GPC3: variants seen among roughly 807,000 people sequenced by gnomAD.
The protein encoded by GPC3 is glypican-3.
In GPC3, 3 loss-of-function variants were observed where a neutral mutation model predicts 34.4. The observed-to-expected ratio is 0.09, with a 90% CI of 0.04 to 0.23. The LOEUF (loss-of-function observed/expected upper bound fraction) is 0.23. GPC3 is among the 10% of genes least tolerant of loss of function. The probability of loss-of-function intolerance (pLI) is 1.00; values close to 1 mark genes in which losing one functional copy is unlikely to be tolerated. For synonymous variants in GPC3, 177 were observed against 174.0 expected, an observed-to-expected ratio of 1.02 and a Z score of -0.13; for missense variants, 351 against 445.6, an observed-to-expected ratio of 0.79 and a Z score of 1.91.
At chrX:133,603,367 C>T (rs985971383) in intron 6 of GPC3, among the ~76,000 whole-genome samples, 4 of 109,998 alleles carry the variant, frequency 3.6e-5, no homozygotes, top group Non-Finnish European at 7.6e-5. Flanking sequence ...ATCTGTCCCC[C>T]TCATCTTACT....
rs1371099188 is a variant in GPC3, at chrX:133,579,788, G to A, written c.1573+16652C>T. 6.3e-5 allele frequency among the ~76,000 whole-genome samples: 7 copies of A among 111,070 alleles called. No homozygotes were observed. The East Asian group carries it at 1.7e-3, about 27-fold the overall frequency. ...TGGGCTCAAGTGATCCTCCCACCTC[G>A]CCCTCCCACAGTGCCAGGATTACAG... On this transcript the variant is annotated intron_variant, in intron 7 of 7. Transcript: ENST00000370818.
At chrX:133,598,150 C>T (rs2069939335) in intron 6 of GPC3, among the ~76,000 whole-genome samples, 1 of 111,544 alleles carries the variant, frequency 9.0e-6, no homozygotes, top group African/African-American at 3.3e-5. Context: ...CATGATGTGA[C>T]ATAAACATTT....
At chrX:133,822,902 G>T (rs2075726360) in intron 2 of GPC3, among the ~76,000 whole-genome samples, 3 of 109,502 alleles carry the variant, frequency 2.7e-5, no homozygotes, top group Non-Finnish European at 5.7e-5. Flanking sequence ...GCTGAGGCAG[G>T]CGGATCACCT....
chrX:133,788,120 A>ATATG lies in GPC3; in HGVS notation c.338-33948_338-33945dup, dbSNP rs1556306741. Reference sequence around the variant, plus strand: ...TATATATATATATATATATATATATATATGTATGTATATATATGATACAGA... The same window carrying ATATG: ...TATATATATATATATATATATATATATATGTATGTATGTATATATATGATACAGA... On this transcript the variant is annotated intron_variant, in intron 2 of 7. Coordinates refer to ENST00000370818, the MANE Select transcript of GPC3 (RefSeq NM_004484.4). 1.5e-4 allele frequency among the ~76,000 whole-genome samples: 12 copies of ATATG among 81,819 alleles called. 1 individual carries two copies. The highest frequency in any genetic ancestry group is 6.3e-4 in the African/African-American group (12 of 19,085). The allele number at this position is 81,819 out of a possible 115,157, so 71.0% of individuals were successfully genotyped here.
At chrX:133,562,163 T>C (rs1285459170) in intron 7 of GPC3, among the ~76,000 whole-genome samples, 1 of 111,479 alleles carries the variant, frequency 9.0e-6, no homozygotes, top group African/African-American at 3.3e-5. Context: ...AAAGCGAAAA[T>C]AGTGCCTGAA....
intron 2 of GPC3, 76 bp downstream of exon 2, chrX:133,952,974 A>G (rs376437429): frequency 9.5e-6 from 8 of 845,756 alleles, no homozygotes; most frequent in African/African-American, 7.9e-5. Context: ...TATAAATTAT[A>G]CTTAGTATTT....
At chrX:133,711,454 C>A (rs2071266581) in intron 3 of GPC3, among the ~76,000 whole-genome samples, 1 of 111,050 alleles carries the variant, frequency 9.0e-6, no homozygotes, top group African/African-American at 3.3e-5. Context: ...AATCAGAAAT[C>A]CTGGGAGTGG....
rs775004924 is a variant in GPC3 at position 133,836,661 on chromosome X, C to T, written c.338-82485G>A. On this transcript the variant is annotated intron_variant, in intron 2 of 7. Coordinates refer to ENST00000370818, the MANE Select transcript of GPC3 (RefSeq NM_004484.4). ...CAAGTCACAAGCCAAATTATGGTGA[C>T]CAAGTTACATCCTCCCAAATCTCCT... Among the ~76,000 whole-genome samples, 3 of 112,266 alleles carry T rather than the reference C, an allele frequency of 2.7e-5. No homozygotes were observed. In the South Asian group the frequency reaches 1.1e-3, roughly 42 times the overall value.
intron 2 of GPC3, among the ~76,000 whole-genome samples, chrX:133,931,821 G>A (rs957210288): frequency 5.4e-5 from 6 of 111,552 alleles, no homozygotes; most frequent in Non-Finnish European, 7.5e-5. Context: ...TCATAGCAGA[G>A]CCATGAATAT....
At chrX:133,802,914 CTTTTTTTTTTT>C (rs751359373) in intron 2 of GPC3, among the ~76,000 whole-genome samples, 1 of 68,553 alleles carries the variant, frequency 1.5e-5, no homozygotes, top group Non-Finnish European at 2.7e-5. Flanking sequence ...GGAAGGTATT[CTTTTTTTTTTT>C]TTTTTTTTTT....
intron 2 of GPC3, among the ~76,000 whole-genome samples, chrX:133,883,245 A>T (rs774370401): frequency 9.0e-6 from 1 of 111,717 alleles, no homozygotes; most frequent in Non-Finnish European, 1.9e-5. Flanking sequence ...GCTTTCCAAT[A>T]CAAGTACAGC....
chrX:133,862,691 A>AAATAAT lies in GPC3; in HGVS notation c.337+90353_337+90358dup, dbSNP rs770674766. On this transcript the variant is annotated intron_variant, in intron 2 of 7. Coordinates refer to ENST00000370818, the MANE Select transcript of GPC3 (RefSeq NM_004484.4). ...GGCAACAGAGCAAGACTCCATCTCA[A>AAATAAT]AATAATAATAATAATAATAATAATA... is the stretch of plus-strand genomic sequence containing the variant. Among the ~76,000 whole-genome samples the AAATAAT allele has an allele frequency of 3.1e-3, 330 of 107,988 alleles. 2 individuals carry two copies. Among genetic ancestry groups the AAATAAT allele is most frequent in the Middle Eastern group, 9.6e-3 (2 of 208 alleles). 93.8% of individuals were successfully genotyped at this position (107,988 alleles called of 115,157 possible).
chrX:133,697,866 T>C (rs1215366521), intron 4 of GPC3, among the ~76,000 whole-genome samples: 1 of 111,877 alleles, frequency 8.9e-6, no homozygotes, highest in African/African-American at 3.3e-5. Flanking sequence ...TTTGTTCTTT[T>C]CTTTCTAGAT....
At chrX:133,539,087 A>G (rs2069320852) in intron 7 of GPC3, among the ~76,000 whole-genome samples, 1 of 108,203 alleles carries the variant, frequency 9.2e-6, no homozygotes, top group Admixed American at 1.0e-4. Flanking sequence ...CCAACTACTG[A>G]GTCCTCACTG....
Position 133,865,153 on chromosome X carries a change from TAAAG to T in GPC3, c.337+87893_337+87896del, listed in dbSNP as rs200409767. 2.8e-3 allele frequency among the ~76,000 whole-genome samples: 309 copies of T among 112,120 alleles called. 2 individuals carry two copies. Among genetic ancestry groups the T allele is most frequent in the African/African-American group, 9.4e-3 (292 of 30,913 alleles). ...CTTTTATTTGTATCCCACACAAAAA[TAAAG>T]ATATTTTAATATTTATGTTTTCTCC... On this transcript the variant is annotated intron_variant, in intron 2 of 7. Transcript: ENST00000370818.
intron 2 of GPC3, among the ~76,000 whole-genome samples, chrX:133,792,836 A>G (rs774074039): frequency 1.8e-5 from 2 of 111,048 alleles, no homozygotes; most frequent in African/African-American, 6.5e-5. Flanking sequence ...AGACCCCAAA[A>G]CCATCTGTTC....
intron 6 of GPC3, 130 bp from the exon 7 acceptor site, chrX:133,596,729 A>AT: frequency 1.5e-6 from 1 of 670,546 alleles, no homozygotes; most frequent in Non-Finnish European, 2.4e-6. Context: ...TCACTTTCAA[A>AT]TTTACGTAGG....
chrX:133,849,819 G>C (rs2075864134), intron 2 of GPC3, among the ~76,000 whole-genome samples: 1 of 111,285 alleles, frequency 9.0e-6, no homozygotes, highest in Non-Finnish European at 1.9e-5. Context: ...TTATTATTGG[G>C]CTTCTCCTTC....
At chrX:133,894,712 TGC>T (rs1423892907) in intron 2 of GPC3, among the ~76,000 whole-genome samples, 2 of 111,662 alleles carry the variant, frequency 1.8e-5, no homozygotes, top group Non-Finnish European at 3.8e-5. Context: ...TCGCGGTGCG[TGC>T]CTGTAATCCC....
Sources: allele counts gnomAD v4.1 joint callset (sites outside exome capture counted in the v4.1 genomes callset), GRCh38; gene constraint gnomAD v4.1.1; transcripts MANE v1.5; gene names NCBI Gene and HGNC (gene_info 2026-07-23, HGNC 2026-07-21).